The following PDE7A variants were observed in gnomAD, a reference collection of about 807,000 sequenced individuals.
The protein encoded by PDE7A is high affinity 3',5'-cyclic-AMP phosphodiesterase 7A.
A neutral mutation model predicts 64.3 loss-of-function variants in PDE7A; 39 were observed. The observed-to-expected ratio is 0.61, with a 90% CI of 0.47 to 0.79. PDE7A has a LOEUF of 0.79. Ranked by LOEUF, PDE7A falls within the 30% of genes least tolerant of loss-of-function variation. PDE7A has a pLI of 0.00. For missense variants in PDE7A, 470 were observed against 582.8 expected (o/e 0.81, Z 1.99); for synonymous variants, 203 against 206.8 (o/e 0.98, Z 0.16).
At chr8:65,776,722 G>A (rs972788119) in intron 3 of PDE7A, among the ~76,000 whole-genome samples, 4 of 152,008 alleles carry the variant, frequency 2.6e-5, no homozygotes, top group Admixed American at 6.6e-5. Context: ...CTCCCACTAC[G>A]TACTGACTTT....
chr8:65,782,658 C>T, intron 2 of PDE7A, 125 bp downstream of exon 2: 1 of 604,750 alleles, frequency 1.7e-6, no homozygotes, highest in Non-Finnish European at 2.9e-6. Context: ...CTCTAAACTC[C>T]ATGAATAGGT....
intron 3 of PDE7A, among the ~76,000 whole-genome samples, chr8:65,774,361 G>C (rs1020441426): frequency 6.6e-6 from 1 of 152,006 alleles, no homozygotes; most frequent in Non-Finnish European, 1.5e-5. Flanking sequence ...ACTCTGAATG[G>C]TTCCCTCTTT....
chr8:65,765,354 T>C (rs1427551428), intron 3 of PDE7A, among the ~76,000 whole-genome samples: 3 of 149,408 alleles, frequency 2.0e-5, no homozygotes, highest in African/African-American at 7.3e-5. Context: ...CCGGGCGTAG[T>C]GGCGGGCGCC....
At chr8:65,822,295 C>T (rs77524803) in intron 1 of PDE7A, among the ~76,000 whole-genome samples, 9,632 of 152,214 alleles carry the variant, frequency 0.063, 386 homozygotes, top group Middle Eastern at 0.11. Flanking sequence ...AGAAATCCTC[C>T]GTCATTCTAA....
At chr8:65,823,734 C>A (rs971612694) in intron 1 of PDE7A, among the ~76,000 whole-genome samples, 1 of 152,048 alleles carries the variant, frequency 6.6e-6, no homozygotes, top group Admixed American at 6.6e-5. Context: ...ATATTAAAAT[C>A]TTTATCAAAC....
At chr8:65,839,862 C>T (rs895706982) in intron 1 of PDE7A, among the ~76,000 whole-genome samples, 2 of 152,138 alleles carry the variant, frequency 1.3e-5, no homozygotes, top group Non-Finnish European at 2.9e-5. Context: ...TCATTTTCTT[C>T]TCAGAGAGCA....
chr8:65,826,030 A>G (rs1339247698), intron 1 of PDE7A, among the ~76,000 whole-genome samples: 1 of 152,198 alleles, frequency 6.6e-6, no homozygotes, highest in African/African-American at 2.4e-5. Context: ...CTTGAATGAC[A>G]TGGAGCCATG....
chr8:65,750,698 A>G (rs185465435), intron 3 of PDE7A, among the ~76,000 whole-genome samples: 2 of 152,266 alleles, frequency 1.3e-5, no homozygotes, highest in African/African-American at 4.8e-5. Flanking sequence ...CTGGGAGCCA[A>G]GGCCCCAACC....
rs947419005 is a variant in PDE7A at position 65,824,947 on chromosome 8, T to A, written c.138+16424A>T. ...CAGGTAATTAATAACAAACATATAT[T>A]ACAAGTTTAATATTTAAAAAATTCC... On this transcript the variant is annotated intron_variant, in intron 1 of 12. Transcript: ENST00000401827. Among the ~76,000 whole-genome samples, 5 of 152,258 alleles carry A rather than the reference T, an allele frequency of 3.3e-5. No individual in the cohort carries two copies. In the South Asian group the frequency reaches 8.3e-4, roughly 25 times the overall value.
At chr8:65,721,616 G>C (rs983807729) in intron 12 of PDE7A, among the ~76,000 whole-genome samples, 1 of 152,132 alleles carries the variant, frequency 6.6e-6, no homozygotes, top group Admixed American at 6.5e-5. Flanking sequence ...AATAGCTTGA[G>C]ATGAACAGTG....
Position 65,724,798 on chromosome 8 carries a change from T to A in PDE7A, c.1044A>T (p.Arg348Ser), listed in dbSNP as rs1212418831. 1.2e-6 allele frequency: 2 copies of A among 1,608,694 alleles called. No individual in the cohort carries two copies. The highest frequency in any genetic ancestry group is 2.2e-5 in the South Asian group (2 of 90,072). ...DRGDLCLEDT[R>S]HRHLVLQMAL... ...TTACCTGTAAAACCAAATGTCTGTG[T>A]CTGGTGTCTTCTAGGCATAAATCAC... The change falls in exon 10 of 13, where the codon AGA becomes AGT. Residue 348 changes from arginine (R) to serine (S), a missense_variant. Coordinates refer to ENST00000401827, the MANE Select transcript of PDE7A (RefSeq NM_001242318.3).
At chr8:65,810,456 C>G (rs1207426276) in intron 1 of PDE7A, among the ~76,000 whole-genome samples, 1 of 152,032 alleles carries the variant, frequency 6.6e-6, no homozygotes, top group Admixed American at 6.6e-5. Context: ...TGTAACAAAC[C>G]TGCATGTTGT....
intron 1 of PDE7A, among the ~76,000 whole-genome samples, chr8:65,809,232 C>A (rs1810183612): frequency 6.6e-6 from 1 of 152,124 alleles, no homozygotes; most frequent in Non-Finnish European, 1.5e-5. Flanking sequence ...GTATCATATG[C>A]CACTGCTTCA....
intron 9 of PDE7A, 74 bp downstream of exon 9, chr8:65,726,801 A>G (rs1259004070): frequency 1.3e-6 from 1 of 779,514 alleles, no homozygotes; most frequent in Non-Finnish European, 2.2e-6. Context: ...CAATTTTTAA[A>G]ACTTTATAAA....
At chr8:65,767,596 G>T (rs1294911192) in intron 3 of PDE7A, among the ~76,000 whole-genome samples, 2 of 152,136 alleles carry the variant, frequency 1.3e-5, no homozygotes, top group Non-Finnish European at 2.9e-5. Context: ...CCCAGAGAGG[G>T]TCTTGCCCCA....
intron 3 of PDE7A, among the ~76,000 whole-genome samples, chr8:65,769,108 C>T (rs1326119541): frequency 5.9e-5 from 9 of 151,700 alleles, no homozygotes. Context: ...ATTAGCCGGG[C>T]GTGATGGCAG....
chr8:65,732,210 G>A (rs1806922080), intron 7 of PDE7A, among the ~76,000 whole-genome samples: 1 of 151,706 alleles, frequency 6.6e-6, no homozygotes, highest in African/African-American at 2.4e-5. Context: ...TGTTGGCCAG[G>A]CTGGTCACAA....
intron 1 of PDE7A, among the ~76,000 whole-genome samples, chr8:65,824,674 T>G (rs879487710): frequency 6.6e-6 from 1 of 152,202 alleles, no homozygotes; most frequent in Non-Finnish European, 1.5e-5. Context: ...AGCAGAAAGA[T>G]TACAACTTGA....
chr8:65,811,093 T>C (rs1304692607), intron 1 of PDE7A, among the ~76,000 whole-genome samples: 1 of 151,642 alleles, frequency 6.6e-6, no homozygotes, highest in Non-Finnish European at 1.5e-5. Flanking sequence ...AAGACTGGAA[T>C]AGGAACATTC....
Sources: gnomAD v4.1 joint callset for allele counts (sites outside exome capture counted in the v4.1 genomes callset) on GRCh38, gnomAD v4.1.1 for gene constraint, MANE v1.5 for transcripts, NCBI Gene and HGNC (gene_info 2026-07-23, HGNC 2026-07-21) for gene names.